The following NLGN1 variants were observed in gnomAD, a reference collection of about 807,000 sequenced individuals.
The protein encoded by NLGN1 is neuroligin-1.
Under a neutral mutation model 65.5 loss-of-function variants are expected in NLGN1, and 12 were observed. The ratio of observed to expected loss-of-function variants is 0.18; its 90% CI spans 0.12 to 0.30. The LOEUF (loss-of-function observed/expected upper bound fraction) is 0.30, where lower values mean the gene tolerates loss of function less well. Ranked by LOEUF, NLGN1 falls within the 10% of genes least tolerant of loss-of-function variation. The pLI, the probability that NLGN1 is intolerant of heterozygous loss-of-function variation, is 1.00. For missense variants in NLGN1, 750 were observed against 1,007.1 expected, an observed-to-expected ratio of 0.74 and a Z score of 3.46; for synonymous variants, 350 against 359.5, an observed-to-expected ratio of 0.97 and a Z score of 0.30.
intron 3 of NLGN1, among the ~76,000 whole-genome samples, chr3:173,616,518 G>A (rs184477297): frequency 1.7e-3 from 261 of 152,192 alleles, no homozygotes; most frequent in Non-Finnish European, 2.2e-3. Context: ...ATAACAGGCC[G>A]CTGAAGATGT....
intron 4 of NLGN1, among the ~76,000 whole-genome samples, chr3:173,821,206 C>T (rs533003773): frequency 6.6e-6 from 1 of 152,242 alleles, no homozygotes; most frequent in Admixed American, 6.5e-5. Flanking sequence ...TGAAACATAT[C>T]TAAGAGAAAT....
intron 4 of NLGN1, among the ~76,000 whole-genome samples, chr3:173,987,384 A>G (rs1234732127): frequency 6.6e-6 from 1 of 152,218 alleles, no homozygotes; most frequent in African/African-American, 2.4e-5. Flanking sequence ...AGAATGTTAC[A>G]AACAGGGAAA....
intron 4 of NLGN1, among the ~76,000 whole-genome samples, chr3:173,819,952 G>A (rs1719894210): frequency 6.6e-6 from 1 of 152,142 alleles, no homozygotes; most frequent in African/African-American, 2.4e-5. Context: ...TGCTTGCACA[G>A]GCTTCCTTTC....
At chr3:173,818,911 T>TTTTTTTTTTTTTA (rs57821486) in intron 4 of NLGN1, among the ~76,000 whole-genome samples, 1 of 148,170 alleles carries the variant, frequency 6.7e-6, no homozygotes, top group East Asian at 2.0e-4. Flanking sequence ...TTTTTTTTTT[T>TTTTTTTTTTTTTA]CCAGTAAGGA....
intron 4 of NLGN1, among the ~76,000 whole-genome samples, chr3:174,160,773 C>T (rs921151960): frequency 4.0e-5 from 6 of 151,334 alleles, no homozygotes; most frequent in African/African-American, 1.5e-4. Context: ...AGCATTTATC[C>T]TTTGTGTTAC....
intron 4 of NLGN1, among the ~76,000 whole-genome samples, chr3:174,019,716 T>C (rs967541542): frequency 1.3e-5 from 2 of 152,170 alleles, no homozygotes. Context: ...GCAAATAATA[T>C]GCATTATTTT....
intron 4 of NLGN1, among the ~76,000 whole-genome samples, chr3:174,242,207 T>A (rs1255940417): frequency 6.6e-6 from 1 of 151,898 alleles, no homozygotes. Context: ...TTGTAAATTG[T>A]TTAGACTGCT....
intron 2 of NLGN1, among the ~76,000 whole-genome samples, chr3:173,445,372 G>T (rs1478563127): frequency 1.3e-5 from 2 of 151,214 alleles, no homozygotes; most frequent in East Asian, 3.9e-4. Context: ...CTAGTAAAAT[G>T]ACCTGTTCCT....
intron 3 of NLGN1, among the ~76,000 whole-genome samples, chr3:173,777,480 C>T (rs1407078930): frequency 6.6e-6 from 1 of 151,816 alleles, no homozygotes; most frequent in African/African-American, 2.4e-5. Flanking sequence ...TTGGCATATC[C>T]ATCACCTCAA....
At chr3:173,662,066 C>T (rs1389563225) in intron 3 of NLGN1, among the ~76,000 whole-genome samples, 3 of 151,978 alleles carry the variant, frequency 2.0e-5, no homozygotes, top group African/African-American at 7.2e-5. Flanking sequence ...TTTGACTCTC[C>T]GTGTATGGCT....
At chr3:173,668,262 A>G (rs1040545893) in intron 3 of NLGN1, among the ~76,000 whole-genome samples, 1 of 152,210 alleles carries the variant, frequency 6.6e-6, no homozygotes, top group South Asian at 2.1e-4. Context: ...ATGTGAAAGT[A>G]GTTATCAGTT....
intron 4 of NLGN1, among the ~76,000 whole-genome samples, chr3:174,104,126 C>G (rs1713178619): frequency 6.6e-6 from 1 of 152,038 alleles, no homozygotes; most frequent in Non-Finnish European, 1.5e-5. Context: ...TTTCAGGTTT[C>G]AAATCGTCCT....
the NLGN1 span, among the ~76,000 whole-genome samples, chr3:174,293,459 G>C: frequency 0.023 from 3,407 of 151,368 alleles, 30 homozygotes; most frequent in Admixed American, 0.029. Flanking sequence ...CAGTGTAATG[G>C]ATGAAAAAAA....
chr3:173,804,024 T>C (rs1212704433), intron 3 of NLGN1, among the ~76,000 whole-genome samples: 1 of 152,200 alleles, frequency 6.6e-6, no homozygotes, highest in Admixed American at 6.5e-5. Flanking sequence ...TTTCAAACTC[T>C]GGTTGTCAGG....
At chr3:173,725,758 A>T (rs970152131) in intron 3 of NLGN1, among the ~76,000 whole-genome samples, 4 of 152,040 alleles carry the variant, frequency 2.6e-5, no homozygotes, top group African/African-American at 7.2e-5. Flanking sequence ...AGGGCTGCAG[A>T]CTCATCAGAG....
At chr3:173,654,728 T>C (rs1479131385) in intron 3 of NLGN1, among the ~76,000 whole-genome samples, 10 of 152,176 alleles carry the variant, frequency 6.6e-5, no homozygotes, top group Non-Finnish European at 1.5e-4. Flanking sequence ...TTTTCCTTTT[T>C]TTTCTAAAAT....
chr3:173,881,192 G>T (rs1437119272), intron 4 of NLGN1, among the ~76,000 whole-genome samples: 1 of 148,000 alleles, frequency 6.8e-6, no homozygotes, highest in Non-Finnish European at 1.5e-5. Flanking sequence ...GCCGCCTCCT[G>T]GGTTCAGGCG....
chr3:174,238,126 A>T (rs905038531), intron 4 of NLGN1, among the ~76,000 whole-genome samples: 2 of 152,028 alleles, frequency 1.3e-5, no homozygotes, highest in Non-Finnish European at 2.9e-5. Flanking sequence ...TTTCACCTCT[A>T]TACTCATTTG....
rs560988249 is a variant in NLGN1, at chr3:174,009,551, A to G, written c.646+201719A>G. Among the ~76,000 whole-genome samples the G allele has an allele frequency of 3.9e-5, 6 of 152,268 alleles. No individual in the cohort carries two copies. The South Asian group carries it at 1.0e-3, about 26-fold the overall frequency. On this transcript the variant is annotated intron_variant, in intron 4 of 6. Coordinates refer to ENST00000457714, the Ensembl canonical transcript of NLGN1. ...CTGTGCCAAGTTCACTCAGCCAGAA[A>G]TTGGTGGAGCGAGTACATGAATCCT... is the stretch of plus-strand genomic sequence containing the variant.
Sources: gnomAD v4.1 joint callset for allele counts (sites outside exome capture counted in the v4.1 genomes callset) on GRCh38, gnomAD v4.1.1 for gene constraint, MANE v1.5 for transcripts, NCBI Gene and HGNC (gene_info 2026-07-23, HGNC 2026-07-21) for gene names.